The following CRBN variants were observed in gnomAD, a reference collection of about 807,000 sequenced individuals.
The protein encoded by CRBN is cereblon.
A neutral mutation model predicts 62.2 loss-of-function variants in CRBN; 53 were observed. The observed-to-expected ratio is 0.85, with a 90% CI of 0.68 to 1.07. CRBN has a LOEUF of 1.07. Ranked by LOEUF, CRBN falls within the 50% of genes least tolerant of loss-of-function variation. The pLI, the probability that CRBN is intolerant of heterozygous loss-of-function variation, is 0.00. For synonymous variants in CRBN, 208 were observed against 176.1 expected (o/e 1.18, Z -1.43); for missense variants, 616 against 531.1 (o/e 1.16, Z -1.57).
chr3:3,170,491 G>C (rs758356927), intron 4 of CRBN, among the ~76,000 whole-genome samples: 1 of 152,272 alleles, frequency 6.6e-6, no homozygotes, highest in Non-Finnish European at 1.5e-5. Context: ...GGAAGTCATG[G>C]GACCTAGAAC....
chr3:3,154,432 A>AAG, intron 7 of CRBN: 1 of 459,856 alleles, frequency 2.2e-6, no homozygotes, highest in Non-Finnish European at 3.9e-6. Flanking sequence ...CACTTCTTTT[A>AAG]AAGGCACCTT....
intron 1 of CRBN, among the ~76,000 whole-genome samples, chr3:3,178,402 G>A (rs1370098267): frequency 6.6e-6 from 1 of 152,144 alleles, no homozygotes; most frequent in Non-Finnish European, 1.5e-5. Flanking sequence ...GATTTCTTTA[G>A]GCAATTACCT....
chr3:3,150,840 A>C lies in CRBN; in HGVS notation c.*25T>G, dbSNP rs200040256. On this transcript the variant is annotated 3_prime_UTR_variant, in exon 11 of 11. Coordinates refer to ENST00000231948, the MANE Select transcript of CRBN (RefSeq NM_016302.4). ...TCTTAGAATATAACCAATTTGTTAG[A>C]TAACTTTATCTCTATCACATCTGTT... is the stretch of plus-strand genomic sequence containing the variant. 2 of 1,602,598 alleles carry C rather than the reference A, an allele frequency of 1.2e-6. No homozygotes were observed. Among genetic ancestry groups the C allele is most frequent in the African/African-American group, 2.7e-5 (2 of 74,514 alleles).
chr3:3,177,787 T>C (rs1707885631), intron 1 of CRBN, among the ~76,000 whole-genome samples: 1 of 152,236 alleles, frequency 6.6e-6, no homozygotes, highest in African/African-American at 2.4e-5. Context: ...TGTTTATTAA[T>C]GTTTCATTTG....
At chr3:3,165,113 G>A (rs1203792791) in intron 5 of CRBN, among the ~76,000 whole-genome samples, 1 of 152,194 alleles carries the variant, frequency 6.6e-6, no homozygotes, top group South Asian at 2.1e-4. Context: ...AAAGTTAGAA[G>A]TGGAACCCAC....
chr3:3,153,932 G>T, intron 8 of CRBN, 28 bp downstream of exon 8: 1 of 1,353,766 alleles, frequency 7.4e-7, no homozygotes, highest in Middle Eastern at 1.8e-4. Flanking sequence ...TAAAACATGG[G>T]CATCAAAAAC....
downstream of CRBN, chr3:3,149,950 A>C (rs1706380512): frequency 6.6e-6 from 1 of 152,200 alleles, no homozygotes; most frequent in Non-Finnish European, 1.5e-5. Flanking sequence ...GTGGCAAAGC[A>C]GCCTTTTTAG....
chr3:3,157,667 T>C (rs1187369223), intron 5 of CRBN, among the ~76,000 whole-genome samples: 2 of 152,168 alleles, frequency 1.3e-5, no homozygotes, highest in East Asian at 1.9e-4. Context: ...GACTCGGGAC[T>C]GAGCTGACAG....
intron 5 of CRBN, among the ~76,000 whole-genome samples, chr3:3,159,437 TA>T (rs1464711639): frequency 6.6e-6 from 1 of 152,236 alleles, no homozygotes; most frequent in East Asian, 1.9e-4. Flanking sequence ...AAAAGAAATG[TA>T]AAAAAGTGTA....
rs1707741028 is a variant in CRBN at position 3,174,254 on chromosome 3, C to G, written c.182G>C (p.Gly61Ala). ...TSLPTSHTYLGADMEEFHGRT... is the reference protein window; with the variant it reads ...TSLPTSHTYLAADMEEFHGRT... Reference sequence around the variant, plus strand: ...GCCATGAAATTCTTCCATATCAGCACCTAGGTACTATATAAAAACATATAT... The same window carrying G: ...GCCATGAAATTCTTCCATATCAGCAGCTAGGTACTATATAAAAACATATAT... The change falls in exon 3 of 11, where the codon GGT becomes GCT. Residue 61 changes from glycine to alanine, a missense_variant. Transcript: ENST00000231948. The G allele has an allele frequency of 6.2e-7, 1 of 1,612,184 alleles. No individual in the cohort carries two copies. The highest frequency in any genetic ancestry group is 1.7e-5 in the Admixed American group (1 of 59,976).
chr3:3,179,562 G>T (rs922975375), intron 1 of CRBN, 59 bp downstream of exon 1: 4 of 1,549,982 alleles, frequency 2.6e-6, no homozygotes, highest in African/African-American at 1.4e-5. Flanking sequence ...CAGCTGCACC[G>T]CTAGCGGCTC....
intron 5 of CRBN, among the ~76,000 whole-genome samples, chr3:3,157,828 T>C (rs761191980): frequency 1.3e-5 from 2 of 152,222 alleles, no homozygotes; most frequent in Non-Finnish European, 2.9e-5. Flanking sequence ...AATGTTATTC[T>C]ATTCCATGCT....
chr3:3,167,709 C>T lies in CRBN; in HGVS notation c.612G>A (p.Lys204=). ...MSAVQLESLN[K]CQIFPSKPVS... is the part of the protein sequence containing the mutation. ...CAGGTTTTGAAGGAAATATCTGGCA[C>T]TTATTGAGGGATTCTAATTGAACTG... The change falls in exon 5 of 11, where the codon AAG becomes AAA. Residue 204 remains lysine, a synonymous_variant. Coordinates refer to ENST00000231948, the MANE Select transcript of CRBN (RefSeq NM_016302.4). 6.2e-7 allele frequency: 1 copy of T among 1,613,518 alleles called. No homozygotes were observed. Among genetic ancestry groups the T allele is most frequent in the Non-Finnish European group, 8.5e-7 (1 of 1,179,608 alleles).
chr3:3,154,774 CT>C lies in CRBN; in HGVS notation c.807del (p.Asp270MetfsTer9). 1 of 1,604,288 alleles carries C rather than the reference CT, an allele frequency of 6.2e-7. No homozygotes were observed. The highest frequency in any genetic ancestry group is 8.5e-7 in the Non-Finnish European group (1 of 1,171,242). On this transcript the variant is annotated frameshift_variant, in exon 7 of 11. Transcript: ENST00000231948. LOFTEE classifies it high-confidence loss of function. ...ATTGGATTTGAAGGAAGAGAATCAT[CT>C]TTTAGATTTTCATCCCATTCACGTA... ...KQLREWDENL[K>X]DDSLPSNPID...
At chr3:3,166,427 T>C (rs1707354318) in intron 5 of CRBN, among the ~76,000 whole-genome samples, 1 of 152,166 alleles carries the variant, frequency 6.6e-6, no homozygotes, top group South Asian at 2.1e-4. Flanking sequence ...TGTAAATTGC[T>C]CAGTCTTGGT....
chr3:3,159,856 G>A (rs1707064781), intron 5 of CRBN, among the ~76,000 whole-genome samples: 1 of 152,276 alleles, frequency 6.6e-6, no homozygotes, highest in African/African-American at 2.4e-5. Flanking sequence ...GGCACAATAG[G>A]AAAGGCTCCT....
At position 3,177,501 on chromosome 3, in the gene CRBN, T is replaced by TA. The variant is rs1424892821; in HGVS notation, c.67+2119dup. ...TTGGAACATGTAAGTTTCACTGAGA[T>TA]AAAAAAAGAGCTATCTAAATGGATG... On this transcript the variant is annotated intron_variant, in intron 1 of 10. Coordinates refer to ENST00000231948, the MANE Select transcript of CRBN (RefSeq NM_016302.4). Among the ~76,000 whole-genome samples, 16 of 152,256 alleles carry TA rather than the reference T, an allele frequency of 1.1e-4. No homozygotes were observed. In the East Asian group the frequency reaches 2.1e-3, roughly 20 times the overall value.
At chr3:3,154,901 C>G (rs568276405) in intron 6 of CRBN, 70 bp from the exon 7 acceptor site, 1 of 863,212 alleles carries the variant, frequency 1.2e-6, no homozygotes, top group African/African-American at 1.7e-5. Flanking sequence ...AGCTTTTCAA[C>G]TCTTAAAACT....
intron 5 of CRBN, among the ~76,000 whole-genome samples, chr3:3,160,910 A>C (rs1013017748): frequency 3.3e-5 from 5 of 152,230 alleles, no homozygotes; most frequent in African/African-American, 1.2e-4. Context: ...CTATTCAAAA[A>C]GTGGTAGTAG....
Sources: gnomAD v4.1 joint callset for allele counts (sites outside exome capture counted in the v4.1 genomes callset) on GRCh38, gnomAD v4.1.1 for gene constraint, MANE v1.5 for transcripts, NCBI Gene and HGNC (gene_info 2026-07-23, HGNC 2026-07-21) for gene names.